B3GALT1: variants seen among roughly 807,000 people sequenced by gnomAD.
B3GALT1 encodes the protein beta-1,3-galactosyltransferase 1, also known as UDP-Gal:betaGlcNAc beta 1,3-galactosyltransferase, polypeptide 1.
A neutral mutation model predicts 23.2 loss-of-function variants in B3GALT1; 10 were observed. That is an observed-to-expected ratio of 0.43 (90% confidence interval 0.27 to 0.73). The LOEUF (loss-of-function observed/expected upper bound fraction) is 0.73. Among genes scored for constraint, B3GALT1 ranks in the 30% least tolerant of loss-of-function variants. The pLI is 0.21. For missense variants in B3GALT1, 299 were observed against 405.4 expected, an observed-to-expected ratio of 0.74 and a Z score of 2.25; for synonymous variants, 156 against 141.5, an observed-to-expected ratio of 1.10 and a Z score of -0.73.
chr2:167,360,066 C>T (rs2105262115), intron 1 of B3GALT1, among the ~76,000 whole-genome samples: 1 of 152,228 alleles, frequency 6.6e-6, no homozygotes, highest in Non-Finnish European at 1.5e-5. Context: ...TGGTTGAAAA[C>T]ATCCAGACAG....
intron 1 of B3GALT1, among the ~76,000 whole-genome samples, chr2:167,386,282 T>TAA (rs1441777436): frequency 1.3e-5 from 2 of 152,016 alleles, no homozygotes; most frequent in African/African-American, 2.4e-5. Flanking sequence ...TCACTCTTTA[T>TAA]AAAGAACGTT....
chr2:167,469,270 T>G (rs1170292188), intron 1 of B3GALT1, among the ~76,000 whole-genome samples: 1 of 152,200 alleles, frequency 6.6e-6, no homozygotes, highest in Non-Finnish European at 1.5e-5. Flanking sequence ...TCTTACTTAT[T>G]AATCTGTGCC....
intron 3 of B3GALT1, among the ~76,000 whole-genome samples, chr2:167,768,039 C>T (rs889498406): frequency 6.6e-6 from 1 of 152,102 alleles, no homozygotes; most frequent in African/African-American, 2.4e-5. Context: ...AATCAACCTT[C>T]CCCTGCCTTT....
chr2:167,313,128 C>G (rs1004774671), intron 1 of B3GALT1, among the ~76,000 whole-genome samples: 8 of 152,094 alleles, frequency 5.3e-5, no homozygotes, highest in African/African-American at 1.9e-4. Context: ...GCTACAACAA[C>G]TTGGATTAAA....
At chr2:167,390,613 T>A (rs1006869830) in intron 1 of B3GALT1, among the ~76,000 whole-genome samples, 4 of 152,188 alleles carry the variant, frequency 2.6e-5, no homozygotes, top group African/African-American at 7.2e-5. Context: ...TTAGCCCTCC[T>A]ACCCAGATCC....
intron 1 of B3GALT1, among the ~76,000 whole-genome samples, chr2:167,430,588 G>T (rs1243068512): frequency 6.6e-6 from 1 of 151,520 alleles, no homozygotes; most frequent in African/African-American, 2.4e-5. Flanking sequence ...TTTGAAGTTA[G>T]AATCAACAAG....
chr2:167,435,950 C>T (rs895997396), intron 1 of B3GALT1, among the ~76,000 whole-genome samples: 2 of 129,094 alleles, frequency 1.5e-5, no homozygotes, highest in Admixed American at 7.2e-5. Flanking sequence ...TCCACACACA[C>T]ACAAACACAC....
chr2:167,463,097 A>G (rs1699288879), intron 1 of B3GALT1, among the ~76,000 whole-genome samples: 1 of 151,952 alleles, frequency 6.6e-6, no homozygotes, highest in Admixed American at 6.6e-5. Flanking sequence ...TTCTTGCAAA[A>G]TCTTTCCTAA....
At position 167,868,842 on chromosome 2, in the gene B3GALT1, C is replaced by G. The variant is rs1194195071; in HGVS notation, c.-198C>G. On this transcript the variant is annotated 5_prime_UTR_variant, in exon 5 of 5. Coordinates refer to ENST00000392690, the MANE Select transcript of B3GALT1 (RefSeq NM_020981.4). ...GAGGAAGATTTATGAGTCATGGAAC[C>G]CTCCATCAGATTTGGAAGAAAGTAG... 1.8e-6 allele frequency: 1 copy of G among 569,048 alleles called. No individual in the cohort carries two copies. Among genetic ancestry groups the G allele is most frequent in the East Asian group, 2.8e-5 (1 of 35,228 alleles). The allele number at this position is 569,048 out of a possible 1,614,324, so 35.2% of individuals were successfully genotyped here. A position where few individuals can be genotyped will look rare whatever the true frequency, so the allele number is the denominator to read the frequency against.
rs1372429445 is a variant in B3GALT1, at chr2:167,871,866, A to G, written c.*1846A>G. ...TCTCAAAGAAAGCCCCACAGCTGAA[A>G]GAGTGTACCTTTTTTATTTATTTAC... On this transcript the variant is annotated 3_prime_UTR_variant, in exon 5 of 5. Coordinates refer to ENST00000392690, the MANE Select transcript of B3GALT1 (RefSeq NM_020981.4). The G allele has an allele frequency of 6.6e-6, 1 of 150,862 alleles. No homozygotes were observed. The allele number at this position is 150,862 out of a possible 1,614,324, so 9.3% of individuals were successfully genotyped here. A position where few individuals can be genotyped will look rare whatever the true frequency, so the allele number is the denominator to read the frequency against.
intron 3 of B3GALT1, among the ~76,000 whole-genome samples, chr2:167,722,463 G>A (rs796461362): frequency 6.6e-6 from 1 of 152,308 alleles, no homozygotes; most frequent in East Asian, 1.9e-4. Flanking sequence ...AATAAGTAGA[G>A]AATATCAGAT....
At chr2:167,665,965 A>T (rs1221613392) in intron 3 of B3GALT1, among the ~76,000 whole-genome samples, 1 of 151,874 alleles carries the variant, frequency 6.6e-6, no homozygotes, top group Non-Finnish European at 1.5e-5. Flanking sequence ...TATTTCCTTC[A>T]GTTCTGCTCT....
intron 1 of B3GALT1, among the ~76,000 whole-genome samples, chr2:167,434,034 A>T (rs750914322): frequency 2.6e-4 from 39 of 152,214 alleles, no homozygotes; most frequent in Non-Finnish European, 4.4e-4. Context: ...GCAAGATTCT[A>T]TCATAAATAA....
At chr2:167,520,171 A>G (rs1411093968) in intron 2 of B3GALT1, among the ~76,000 whole-genome samples, 2 of 152,206 alleles carry the variant, frequency 1.3e-5, no homozygotes, top group Non-Finnish European at 2.9e-5. Flanking sequence ...TTCTCAACAT[A>G]AACCCCATCA....
At chr2:167,475,152 C>A (rs1332034813) in intron 1 of B3GALT1, among the ~76,000 whole-genome samples, 2 of 152,072 alleles carry the variant, frequency 1.3e-5, no homozygotes, top group Non-Finnish European at 2.9e-5. Context: ...AAATCAAGTT[C>A]TAAGTTTTAG....
At chr2:167,724,207 A>G (rs1193803592) in intron 3 of B3GALT1, among the ~76,000 whole-genome samples, 2 of 152,198 alleles carry the variant, frequency 1.3e-5, no homozygotes, top group Non-Finnish European at 2.9e-5. Flanking sequence ...GAATATTGTA[A>G]TGCCCATCAA....
At chr2:167,865,259 A>C (rs1407878091) in intron 4 of B3GALT1, among the ~76,000 whole-genome samples, 2 of 152,024 alleles carry the variant, frequency 1.3e-5, no homozygotes, top group Admixed American at 6.6e-5. Context: ...AAATACAAAA[A>C]TTAGCCAGAC....
intron 1 of B3GALT1, among the ~76,000 whole-genome samples, chr2:167,389,925 CAAAA>C (rs751630307): frequency 3.8e-5 from 4 of 105,464 alleles, no homozygotes; most frequent in African/African-American, 1.3e-4. Flanking sequence ...AAAAAAAAAA[CAAAA>C]AAAAAAAAGA....
At chr2:167,702,080 T>C (rs1386194175) in intron 3 of B3GALT1, among the ~76,000 whole-genome samples, 1 of 152,214 alleles carries the variant, frequency 6.6e-6, no homozygotes, top group African/African-American at 2.4e-5. Context: ...TTCTTTTAAC[T>C]AAACCCCAGA....
Sources: allele counts gnomAD v4.1 joint callset (sites outside exome capture counted in the v4.1 genomes callset), GRCh38; gene constraint gnomAD v4.1.1; transcripts MANE v1.5; gene names NCBI Gene and HGNC (gene_info 2026-07-23, HGNC 2026-07-21).